Variants in MARCHF4 observed in about 807,000 individuals in gnomAD.
MARCHF4 encodes membrane associated ring-CH-type finger 4.
A neutral mutation model predicts 43.9 loss-of-function variants in MARCHF4; 14 were observed. The ratio of observed to expected loss-of-function variants is 0.32; its 90% CI spans 0.21 to 0.50. MARCHF4 has a LOEUF of 0.50. Ranked by LOEUF, MARCHF4 falls within the 20% of genes least tolerant of loss-of-function variation. MARCHF4 has a pLI of 0.98. For missense variants in MARCHF4, 468 were observed against 536.7 expected (o/e 0.87, Z 1.27); for synonymous variants, 226 against 213.3 (o/e 1.06, Z -0.52).
intron 1 of MARCHF4, among the ~76,000 whole-genome samples, chr2:216,317,821 G>A (rs778242009): frequency 2.0e-5 from 3 of 152,170 alleles, no homozygotes; most frequent in Non-Finnish European, 4.4e-5. Context: ...ATGAATGGAA[G>A]AGTAAACAGT....
intron 1 of MARCHF4, among the ~76,000 whole-genome samples, chr2:216,344,715 AG>A (rs1179901152): frequency 2.6e-5 from 4 of 151,654 alleles, no homozygotes; most frequent in Non-Finnish European, 5.9e-5. Context: ...TGAAAGAGGG[AG>A]GGGTGTTAAA....
At chr2:216,287,922 G>A (rs933865149) in intron 1 of MARCHF4, among the ~76,000 whole-genome samples, 18 of 151,734 alleles carry the variant, frequency 1.2e-4, no homozygotes, top group African/African-American at 1.9e-4. Flanking sequence ...TCATCTTTCC[G>A]TTGCAAGTAA....
At chr2:216,264,778 G>A (rs1690818092) in intron 3 of MARCHF4, among the ~76,000 whole-genome samples, 2 of 152,326 alleles carry the variant, frequency 1.3e-5, no homozygotes, top group Admixed American at 1.3e-4. Context: ...TGGTGTGAAT[G>A]CTGCCTTCCA....
At chr2:216,326,023 A>T in intron 1 of MARCHF4, among the ~76,000 whole-genome samples, 2 of 143,822 alleles carry the variant, frequency 1.4e-5, no homozygotes, top group Admixed American at 7.0e-5. Flanking sequence ...GTGAACAGGC[A>T]ACCTACAAAA....
chr2:216,273,183 C>T (rs1416386304), intron 3 of MARCHF4, among the ~76,000 whole-genome samples: 1 of 152,228 alleles, frequency 6.6e-6, no homozygotes, highest in East Asian at 1.9e-4. Context: ...AGCTGTCCCT[C>T]AGCACACCGC....
At chr2:216,259,721 G>C in intron 3 of MARCHF4, 42 bp from the exon 4 acceptor site, 13 of 1,568,460 alleles carry the variant, frequency 8.3e-6, no homozygotes, top group South Asian at 1.1e-5. Flanking sequence ...CAAATGAGAG[G>C]AAGTGGGTCA....
chr2:216,329,317 C>A (rs1308408601), intron 1 of MARCHF4, among the ~76,000 whole-genome samples: 1 of 152,040 alleles, frequency 6.6e-6, no homozygotes, highest in Non-Finnish European at 1.5e-5. Flanking sequence ...GGAGGCAGAG[C>A]TTGCAGTGAG....
chr2:216,287,906 A>G (rs1339097822), intron 1 of MARCHF4, among the ~76,000 whole-genome samples: 1 of 151,512 alleles, frequency 6.6e-6, no homozygotes, highest in East Asian at 1.9e-4. Flanking sequence ...CTGAGGCTCC[A>G]TTTCTTCATC....
chr2:216,279,622 C>T (rs759849565), intron 2 of MARCHF4, among the ~76,000 whole-genome samples: 16 of 152,198 alleles, frequency 1.1e-4, no homozygotes, highest in African/African-American at 3.9e-4. Context: ...TTCATTCTGG[C>T]TGCAGCTGGG....
At chr2:216,348,099 G>A (rs1360615402) in intron 1 of MARCHF4, among the ~76,000 whole-genome samples, 10 of 145,892 alleles carry the variant, frequency 6.9e-5, no homozygotes, top group South Asian at 2.2e-4. Flanking sequence ...GTGCAATGGC[G>A]TGATCTCAGC....
chr2:216,319,832 C>T (rs1045385174), intron 1 of MARCHF4, among the ~76,000 whole-genome samples: 5 of 152,154 alleles, frequency 3.3e-5, no homozygotes, highest in Non-Finnish European at 7.3e-5. Flanking sequence ...TGCCAAACTT[C>T]CCAGGCTCAC....
At chr2:216,322,715 G>A (rs1233330815) in intron 1 of MARCHF4, among the ~76,000 whole-genome samples, 1 of 152,158 alleles carries the variant, frequency 6.6e-6, no homozygotes, top group Admixed American at 6.5e-5. Flanking sequence ...CCAGCTACTA[G>A]GGAGGCTGAG....
intron 1 of MARCHF4, among the ~76,000 whole-genome samples, chr2:216,330,169 T>C (rs1308709107): frequency 4.6e-5 from 7 of 151,980 alleles, no homozygotes; most frequent in African/African-American, 1.7e-4. Context: ...GCAAAGTAGA[T>C]TTATAGCATG....
intron 1 of MARCHF4, among the ~76,000 whole-genome samples, chr2:216,367,833 A>C (rs1313659437): frequency 6.6e-6 from 1 of 152,214 alleles, no homozygotes; most frequent in Non-Finnish European, 1.5e-5. Flanking sequence ...TTTTTCAATA[A>C]AATACAGCTT....
At chr2:216,302,812 C>T (rs1015464427) in intron 1 of MARCHF4, among the ~76,000 whole-genome samples, 5 of 147,178 alleles carry the variant, frequency 3.4e-5, no homozygotes, top group African/African-American at 7.7e-5. Context: ...GCAGGAGAAT[C>T]GCTTGAACCT....
intron 1 of MARCHF4, among the ~76,000 whole-genome samples, chr2:216,289,977 T>C (rs904425095): frequency 6.6e-6 from 1 of 152,208 alleles, no homozygotes; most frequent in Non-Finnish European, 1.5e-5. Flanking sequence ...CTCTGGGCCT[T>C]GCTCAATTAT....
chr2:216,286,264 G>T (rs1289336827), intron 1 of MARCHF4, among the ~76,000 whole-genome samples: 9 of 152,230 alleles, frequency 5.9e-5, no homozygotes, highest in Non-Finnish European at 1.3e-4. Flanking sequence ...GATGGTCCAG[G>T]TGCAGTGGCT....
intron 1 of MARCHF4, among the ~76,000 whole-genome samples, chr2:216,304,258 A>G (rs1691543913): frequency 6.6e-6 from 1 of 152,238 alleles, no homozygotes; most frequent in South Asian, 2.1e-4. Flanking sequence ...ACATGGGGAC[A>G]TAAGTATTCT....
rs547473848 is a variant in MARCHF4 at position 216,293,949 on chromosome 2, C to T, written c.517-10220G>A. Among the ~76,000 whole-genome samples, 5 of 86,664 alleles carry T rather than the reference C, an allele frequency of 5.8e-5. 1 individual carries two copies. Among genetic ancestry groups the T allele is most frequent in the South Asian group, 6.7e-4 (2 of 3,000 alleles). The allele number at this position is 86,664 out of a possible 152,430, so 56.9% of individuals were successfully genotyped here. On this transcript the variant is annotated intron_variant, in intron 1 of 3. Transcript: ENST00000273067. Reference sequence around the variant, plus strand: ...TGACCTAAATGTGTAATATACTGTCCGTTTGTCTTTCTGCATAACTCATCA... The same window carrying T: ...TGACCTAAATGTGTAATATACTGTCTGTTTGTCTTTCTGCATAACTCATCA...
Sources: gnomAD v4.1 joint callset for allele counts (sites outside exome capture counted in the v4.1 genomes callset) on GRCh38, gnomAD v4.1.1 for gene constraint, MANE v1.5 for transcripts, NCBI Gene and HGNC (gene_info 2026-07-23, HGNC 2026-07-21) for gene names.